Variants in BRSK2 observed in about 807,000 individuals in gnomAD.
The protein encoded by BRSK2 is serine/threonine-protein kinase BRSK2.
A neutral mutation model predicts 83.3 loss-of-function variants in BRSK2; 19 were observed. The ratio of observed to expected loss-of-function variants is 0.23; its 90% CI spans 0.16 to 0.33. BRSK2 has a LOEUF of 0.33. Among genes scored for constraint, BRSK2 ranks in the 10% least tolerant of loss-of-function variants. BRSK2 has a pLI of 1.00. For synonymous variants in BRSK2, 519 were observed against 435.4 expected, an observed-to-expected ratio of 1.19 and a Z score of -2.39; for missense variants, 798 against 1,042.3, an observed-to-expected ratio of 0.77 and a Z score of 3.23.
chr11:1,445,229 C>G, intron 9 of BRSK2, 65 bp from the exon 10 acceptor site: 1 of 1,540,308 alleles, frequency 6.5e-7, no homozygotes, highest in Non-Finnish European at 8.8e-7. Context: ...GGCGGGCGTC[C>G]CACCCTCGCA....
intron 1 of BRSK2, among the ~76,000 whole-genome samples, chr11:1,424,404 G>GC (rs1848969307): frequency 6.6e-6 from 1 of 152,340 alleles, no homozygotes; most frequent in South Asian, 2.1e-4. Context: ...AAGGTGTCCT[G>GC]CCGGGGTGGC....
chr11:1,406,268 C>T (rs1416736089), intron 1 of BRSK2, among the ~76,000 whole-genome samples: 1 of 152,192 alleles, frequency 6.6e-6, no homozygotes. Flanking sequence ...TGGAGACCAT[C>T]CTGGCTAACA....
rs974203501 is a variant in BRSK2 at position 1,425,143 on chromosome 11, C to T, written c.92-10897C>T. Among the ~76,000 whole-genome samples the T allele has an allele frequency of 1.8e-4, 28 of 152,358 alleles. 1 individual carries two copies. The highest frequency in any genetic ancestry group is 9.1e-4 in the Admixed American group (14 of 15,312). On this transcript the variant is annotated intron_variant, in intron 1 of 19. Transcript: ENST00000528841. ...TCTGCATCGTCCTGCGCTGCGTGGC[C>T]GGTCGGTCCCGGCGCTCTCAGCACT...
intron 1 of BRSK2, chr11:1,411,306 G>A (rs527254111): frequency 2.5e-5 from 33 of 1,336,970 alleles, no homozygotes; most frequent in Admixed American, 3.6e-5. Flanking sequence ...TGGCCTGCCC[G>A]GGTGGGGTCC....
chr11:1,434,257 C>T (rs943544687), intron 1 of BRSK2, among the ~76,000 whole-genome samples: 5 of 152,202 alleles, frequency 3.3e-5, no homozygotes, highest in African/African-American at 7.2e-5. Context: ...GGAAGGATGG[C>T]GGCCACTAAA....
At chr11:1,446,091 AGCTGG>A (rs915905837) in intron 12 of BRSK2, among the ~76,000 whole-genome samples, 184 bp downstream of exon 12, 15 of 89,592 alleles carry the variant, frequency 1.7e-4, no homozygotes, top group Non-Finnish European at 3.0e-4. Flanking sequence ...GGCTGGGCTT[AGCTGG>A]GCTGGGCTGG....
At chr11:1,428,010 C>T (rs1229098254) in intron 1 of BRSK2, among the ~76,000 whole-genome samples, 1 of 152,186 alleles carries the variant, frequency 6.6e-6, no homozygotes. Flanking sequence ...AGGGACGCCT[C>T]TATGCTGGGC....
chr11:1,443,443 C>A, intron 7 of BRSK2, 40 bp downstream of exon 7: 13 of 1,577,806 alleles, frequency 8.2e-6, no homozygotes, highest in East Asian at 2.3e-5. Context: ...TGGCCTCTCC[C>A]CAAACCTGCC....
In BRSK2 at chr11:1,454,726, C is replaced by G. The variant is rs553739182; in HGVS notation, c.1668+118C>G. On this transcript the variant is annotated intron_variant, in intron 16 of 19. Coordinates refer to ENST00000528841, the MANE Select transcript of BRSK2 (RefSeq NM_001256627.2). This position sits in a 1 kb window ranked among gnomAD's most constrained non-coding sequence, Gnocchi z 5.2. ...TGTCCACGCGCACAGCACGGACGTC[C>G]GCTCACCCGTGGGCCTGCCTGGCCG... is the stretch of plus-strand genomic sequence containing the variant. 1.1e-4 allele frequency: 141 copies of G among 1,335,588 alleles called. No individual in the cohort carries two copies. Among genetic ancestry groups the G allele is most frequent in the Non-Finnish European group, 1.4e-4 (135 of 981,312 alleles). The allele number at this position is 1,335,588 out of a possible 1,614,324, so 82.7% of individuals were successfully genotyped here.
In BRSK2 at chr11:1,454,989, G is replaced by A. The variant is rs1184078728; in HGVS notation, c.1668+381G>A. Reference sequence around the variant, plus strand: ...CGGGGAGAAGCCCTTGTGAGGCCATGGCCCTAGGGACCGGTGGGGCTCTGC... The same window carrying A: ...CGGGGAGAAGCCCTTGTGAGGCCATAGCCCTAGGGACCGGTGGGGCTCTGC... On this transcript the variant is annotated intron_variant, in intron 16 of 19. Transcript: ENST00000528841. The surrounding 1 kb of genome is among the most constrained non-coding windows in gnomAD (Gnocchi z 5.2). Among the ~76,000 whole-genome samples the A allele has an allele frequency of 6.6e-6, 1 of 152,152 alleles. No homozygotes were observed. Among genetic ancestry groups the A allele is most frequent in the Non-Finnish European group, 1.5e-5 (1 of 68,006 alleles).
At chr11:1,407,921 C>T (rs1203253910) in intron 1 of BRSK2, among the ~76,000 whole-genome samples, 1 of 152,180 alleles carries the variant, frequency 6.6e-6, no homozygotes, top group Admixed American at 6.5e-5. Context: ...CTGTGCCCTC[C>T]AGGGAAGGCC....
intron 1 of BRSK2, 82 bp from the exon 2 acceptor site, chr11:1,435,958 G>C: frequency 9.6e-7 from 1 of 1,039,482 alleles, no homozygotes; most frequent in Admixed American, 2.3e-5. Flanking sequence ...CGTGGGAGGA[G>C]GCCCCCAACC....
At position 1,445,996 on chromosome 11, in the gene BRSK2, G is replaced by A. The variant is rs1241686099; in HGVS notation, c.1226+89G>A. On this transcript the variant is annotated intron_variant, in intron 12 of 19. Coordinates refer to ENST00000528841, the MANE Select transcript of BRSK2 (RefSeq NM_001256627.2). Reference sequence around the variant, plus strand: ...TGGCTCATCGCTACCCATTGGCCTGGGGTCTCGGCTGAGGCCATTGGGTGG... The same window carrying A: ...TGGCTCATCGCTACCCATTGGCCTGAGGTCTCGGCTGAGGCCATTGGGTGG... 1.4e-5 allele frequency: 21 copies of A among 1,474,598 alleles called. No individual in the cohort carries two copies. The East Asian group carries it at 4.6e-4, about 32-fold the overall frequency. The allele number at this position is 1,474,598 out of a possible 1,614,324, so 91.3% of individuals were successfully genotyped here. A position where few individuals can be genotyped will look rare whatever the true frequency, so the allele number is the denominator to read the frequency against.
intron 1 of BRSK2, among the ~76,000 whole-genome samples, chr11:1,434,614 G>C (rs1220779543): frequency 3.4e-5 from 5 of 146,172 alleles, no homozygotes; most frequent in Non-Finnish European, 7.5e-5. Context: ...TGATAACCTG[G>C]GCCGGCTCTG....
intron 1 of BRSK2, among the ~76,000 whole-genome samples, chr11:1,396,241 TCCCCCA>T (rs1173548671): frequency 3.4e-4 from 46 of 134,216 alleles, no homozygotes; most frequent in Middle Eastern, 3.8e-3. Context: ...TCCACCCACG[TCCCCCA>T]CTCCTGGTCC....
At chr11:1,394,468 A>G (rs1327212094) in intron 1 of BRSK2, among the ~76,000 whole-genome samples, 1 of 64,746 alleles carries the variant, frequency 1.5e-5, no homozygotes, top group Non-Finnish European at 2.9e-5. Flanking sequence ...GGCCATGGAG[A>G]TGGGTCCTGG....
intron 4 of BRSK2, 82 bp downstream of exon 4, chr11:1,441,010 A>C: frequency 8.2e-7 from 1 of 1,213,312 alleles, no homozygotes; most frequent in Admixed American, 2.2e-5. Context: ...CTGTGCCCCA[A>C]GGACTACACC....
intron 18 of BRSK2, among the ~76,000 whole-genome samples, chr11:1,457,278 C>T (rs989486653): frequency 6.6e-5 from 10 of 152,160 alleles, no homozygotes; most frequent in South Asian, 2.1e-4. Flanking sequence ...AGGAGGGCCG[C>T]GGGCTGCCTG....
chr11:1,454,409 C>T lies in BRSK2; in HGVS notation c.1545-76C>T. On this transcript the variant is annotated intron_variant, in intron 15 of 19. Coordinates refer to ENST00000528841, the MANE Select transcript of BRSK2 (RefSeq NM_001256627.2). This position sits in a 1 kb window ranked among gnomAD's most constrained non-coding sequence, Gnocchi z 5.2. Reference sequence around the variant, plus strand: ...GCGATGGAAGATTCCGCCGTTCCAACCCCAGATTCGAGGGAGGCAGGGGTG... The same window carrying T: ...GCGATGGAAGATTCCGCCGTTCCAATCCCAGATTCGAGGGAGGCAGGGGTG... 6.4e-7 allele frequency: 1 copy of T among 1,561,140 alleles called. No individual in the cohort carries two copies. The highest frequency in any genetic ancestry group is 8.8e-7 in the Non-Finnish European group (1 of 1,138,720).
Sources: gnomAD v4.1 joint callset for allele counts (sites outside exome capture counted in the v4.1 genomes callset) on GRCh38, gnomAD v4.1.1 for gene constraint, Gnocchi (gnomAD v3.1) non-coding constraint, MANE v1.5 for transcripts, NCBI Gene and HGNC (gene_info 2026-07-23, HGNC 2026-07-21) for gene names.